The following LOC128462377 variants were observed in gnomAD, a reference collection of about 807,000 sequenced individuals.
At chr16:89,371,868 T>TA in the LOC128462377 span, among the ~76,000 whole-genome samples, 7 of 151,916 alleles carry the variant, frequency 4.6e-5, no homozygotes, top group African/African-American at 1.7e-4. Flanking sequence ...GAAAGGGAGG[T>TA]AGACCTGGTG....
the LOC128462377 span, among the ~76,000 whole-genome samples, chr16:89,415,486 G>C: frequency 1.4e-5 from 2 of 146,484 alleles, 1 homozygote; most frequent in Admixed American, 1.4e-4. Flanking sequence ...GGATGGTCTT[G>C]ATCTCCTGAC....
chr16:89,382,779 C>G, the LOC128462377 span, among the ~76,000 whole-genome samples: 9 of 152,316 alleles, frequency 5.9e-5, no homozygotes, highest in African/African-American at 2.2e-4. Context: ...CTGTGTTCAG[C>G]TGAAATAAAC....
chr16:89,338,069 C>A, the LOC128462377 span, among the ~76,000 whole-genome samples: 3 of 152,230 alleles, frequency 2.0e-5, no homozygotes, highest in Non-Finnish European at 4.4e-5. Context: ...GTGTCGCGCT[C>A]TGCCACTCAG....
At chr16:89,414,019 ACCACGGGCCTGCACACCCTCCG>A in the LOC128462377 span, among the ~76,000 whole-genome samples, 1,338 of 151,724 alleles carry the variant, frequency 8.8e-3, 6 homozygotes, top group Non-Finnish European at 0.012. Flanking sequence ...CCCAGCCACC[ACCACGGGCCTGCACACCCTCCG>A]CCACGGGCCT....
At chr16:89,400,783 G>T in the LOC128462377 span, among the ~76,000 whole-genome samples, 305 of 145,682 alleles carry the variant, frequency 2.1e-3, 1 homozygote, top group Non-Finnish European at 3.8e-3. Context: ...GCTTCCCTGC[G>T]CTGGGGGCCG....
At chr16:89,338,638 T>C in the LOC128462377 span, among the ~76,000 whole-genome samples, 2 of 146,670 alleles carry the variant, frequency 1.4e-5, no homozygotes, top group African/African-American at 5.1e-5. Context: ...GACAGGAGAA[T>C]TGCTTGAACC....
the LOC128462377 span, among the ~76,000 whole-genome samples, chr16:89,365,236 T>C: frequency 3.3e-5 from 5 of 152,246 alleles, no homozygotes; most frequent in Non-Finnish European, 4.4e-5. Context: ...AGCTGGTTTT[T>C]GTAGAAAACC....
the LOC128462377 span, among the ~76,000 whole-genome samples, chr16:89,417,144 T>C: frequency 6.6e-6 from 1 of 152,136 alleles, no homozygotes; most frequent in Non-Finnish European, 1.5e-5. Flanking sequence ...AAGAATTCAG[T>C]CATATGAAAG....
the LOC128462377 span, chr16:89,412,694 A>T: frequency 6.6e-6 from 1 of 152,212 alleles, no homozygotes; most frequent in African/African-American, 2.4e-5. Context: ...TCACCCTCAG[A>T]TACAAAAACA....
the LOC128462377 span, chr16:89,317,055 C>T: frequency 1.1e-5 from 17 of 1,597,834 alleles, no homozygotes; most frequent in East Asian, 1.4e-4. Flanking sequence ...TTTACACGGC[C>T]GGCGCTTCAT....
the LOC128462377 span, among the ~76,000 whole-genome samples, chr16:89,351,199 G>A: frequency 9.2e-5 from 14 of 152,356 alleles, no homozygotes; most frequent in South Asian, 1.0e-3. Context: ...AGGCGGCGGC[G>A]GCAGCTGGTG....
At chr16:89,414,759 G>A in the LOC128462377 span, among the ~76,000 whole-genome samples, 1 of 152,148 alleles carries the variant, frequency 6.6e-6, no homozygotes, top group Non-Finnish European at 1.5e-5. Context: ...GGCAGGACCA[G>A]CCTAGAATCC....
chr16:89,357,695 T>C, the LOC128462377 span, among the ~76,000 whole-genome samples: 1 of 152,116 alleles, frequency 6.6e-6, no homozygotes, highest in Non-Finnish European at 1.5e-5. Flanking sequence ...GGAATGCCTG[T>C]CACAGCCAAT....
At chr16:89,353,503 A>T in the LOC128462377 span, among the ~76,000 whole-genome samples, 1 of 151,890 alleles carries the variant, frequency 6.6e-6, no homozygotes, top group South Asian at 2.1e-4. Flanking sequence ...TTTGAGACAG[A>T]GTCTTACTGT....
the LOC128462377 span, among the ~76,000 whole-genome samples, chr16:89,325,729 T>C: frequency 0.015 from 2,355 of 152,250 alleles, 67 homozygotes; most frequent in African/African-American, 0.054. Context: ...GACGTTTGGG[T>C]TCTCAGCTGA....
the LOC128462377 span, among the ~76,000 whole-genome samples, chr16:89,416,117 A>C: frequency 2.0e-5 from 3 of 152,136 alleles, no homozygotes; most frequent in African/African-American, 7.2e-5. Context: ...AACACCTTAG[A>C]TTATTACTGT....
chr16:89,321,757 T>G, the LOC128462377 span, among the ~76,000 whole-genome samples: 717 of 152,144 alleles, frequency 4.7e-3, 6 homozygotes, highest in African/African-American at 0.017. Flanking sequence ...AGGGATGGAA[T>G]GTAAGCAGAG....
At chr16:89,352,732 T>C in the LOC128462377 span, among the ~76,000 whole-genome samples, 780 of 152,326 alleles carry the variant, frequency 5.1e-3, 5 homozygotes, top group African/African-American at 0.018. Context: ...TGAGTCCCGC[T>C]TGCCTCTGAA....
chr16:89,328,286 G>A, the LOC128462377 span, among the ~76,000 whole-genome samples: 1 of 152,210 alleles, frequency 6.6e-6, no homozygotes, highest in Non-Finnish European at 1.5e-5. Context: ...GAACAGCAAG[G>A]CAGCCTTACG....
Sources: gnomAD v4.1 joint callset for allele counts (sites outside exome capture counted in the v4.1 genomes callset) on GRCh38, gnomAD v4.1.1 for gene constraint, MANE v1.5 for transcripts.